Variants in IQCM observed in about 807,000 individuals in gnomAD.
IQCM encodes the protein IQ domain-containing protein M.
Under a neutral mutation model 57.6 loss-of-function variants are expected in IQCM, and 45 were observed. That is an observed-to-expected ratio of 0.78 (90% CI 0.62 to 1.00). The LOEUF is 1.00. Ranked by LOEUF, IQCM falls within the 50% of genes least tolerant of loss-of-function variation. The probability of loss-of-function intolerance (pLI) is 0.00; values close to 1 mark genes in which losing one functional copy is unlikely to be tolerated. For missense variants in IQCM, 468 were observed against 511.6 expected (o/e 0.91, Z 0.82); for synonymous variants, 148 against 158.9 (o/e 0.93, Z 0.51).
intron 8 of IQCM, among the ~76,000 whole-genome samples, chr4:149,599,405 C>A (rs1025448650): frequency 6.6e-6 from 1 of 151,980 alleles, no homozygotes; most frequent in Non-Finnish European, 1.5e-5. Context: ...TGTACATGTG[C>A]TAAAATTGTA....
chr4:149,586,833 G>A (rs1752690538), intron 9 of IQCM, among the ~76,000 whole-genome samples: 1 of 151,606 alleles, frequency 6.6e-6, no homozygotes, highest in Non-Finnish European at 1.5e-5. Flanking sequence ...AACATTTATA[G>A]TAACTGCTTT....
intron 12 of IQCM, among the ~76,000 whole-genome samples, chr4:149,433,882 T>C (rs1172678464): frequency 2.0e-5 from 3 of 152,206 alleles, no homozygotes; most frequent in Non-Finnish European, 4.4e-5. Flanking sequence ...TTCTTACTTT[T>C]AATTTCTATT....
chr4:149,743,278 T>C (rs985737250), intron 2 of IQCM, among the ~76,000 whole-genome samples: 10 of 152,260 alleles, frequency 6.6e-5, no homozygotes, highest in Middle Eastern at 6.8e-3. Context: ...TTTATTTATA[T>C]CCTACCTGCC....
intron 8 of IQCM, among the ~76,000 whole-genome samples, chr4:149,588,647 G>A (rs983590345): frequency 3.3e-5 from 5 of 151,804 alleles, no homozygotes; most frequent in Admixed American, 2.0e-4. Flanking sequence ...AAAAGGCCAC[G>A]TGAGGACACA....
intron 12 of IQCM, among the ~76,000 whole-genome samples, chr4:149,514,308 T>C (rs892343130): frequency 6.6e-6 from 1 of 152,302 alleles, no homozygotes; most frequent in South Asian, 2.1e-4. Context: ...TGAAAGAACA[T>C]GCTAAATATA....
At chr4:149,711,182 T>G (rs919676639) in intron 5 of IQCM, 2 of 152,072 alleles carry the variant, frequency 1.3e-5, no homozygotes, top group East Asian at 3.9e-4. Flanking sequence ...TAAGGCATAC[T>G]GAGATGCTAA....
At chr4:149,521,848 A>G (rs1290604867) in intron 12 of IQCM, among the ~76,000 whole-genome samples, 1 of 152,152 alleles carries the variant, frequency 6.6e-6, no homozygotes, top group African/African-American at 2.4e-5. Flanking sequence ...TCCAGACAAG[A>G]TGGGCCTGGA....
intron 2 of IQCM, among the ~76,000 whole-genome samples, chr4:149,768,916 C>A (rs909316237): frequency 3.4e-4 from 52 of 151,938 alleles, no homozygotes; most frequent in African/African-American, 1.3e-3. Flanking sequence ...TTGTGGCATA[C>A]TAAATTTATT....
At chr4:149,452,610 A>C (rs1350096474) in intron 12 of IQCM, among the ~76,000 whole-genome samples, 1 of 151,646 alleles carries the variant, frequency 6.6e-6, no homozygotes, top group Admixed American at 6.6e-5. Context: ...TAATTGACAT[A>C]TAAAAAGCTG....
chr4:149,707,675 G>A (rs994699318), intron 5 of IQCM, among the ~76,000 whole-genome samples: 2 of 151,970 alleles, frequency 1.3e-5, no homozygotes, highest in African/African-American at 4.8e-5. Context: ...GGACTTGGGG[G>A]AAACTGACAT....
At chr4:149,469,351 A>C (rs1339420011) in intron 12 of IQCM, among the ~76,000 whole-genome samples, 2 of 152,242 alleles carry the variant, frequency 1.3e-5, no homozygotes, top group African/African-American at 2.4e-5. Context: ...AGCTGATTCA[A>C]TCAAGTGGAA....
At chr4:149,549,554 A>G (rs1503716) in intron 11 of IQCM, among the ~76,000 whole-genome samples, 151,072 of 152,360 alleles carry the variant, frequency 0.99, 74,920 homozygotes, top group East Asian at 1. Flanking sequence ...TTTTATAAGT[A>G]TAGTTTTCCA....
At chr4:149,368,817 TAC>T (rs1553955892) in intron 13 of IQCM, among the ~76,000 whole-genome samples, 1 of 96,680 alleles carries the variant, frequency 1.0e-5, no homozygotes, top group Non-Finnish European at 2.0e-5. Context: ...TGTATATATA[TAC>T]ATATATATAC....
chr4:149,769,708 G>A (rs1770390604), intron 2 of IQCM, among the ~76,000 whole-genome samples: 1 of 151,904 alleles, frequency 6.6e-6, no homozygotes, highest in Admixed American at 6.6e-5. Flanking sequence ...AATAATAAAG[G>A]GGTCAATTGT....
chr4:149,809,981 C>T (rs1774409462), intron 2 of IQCM, among the ~76,000 whole-genome samples: 1 of 152,102 alleles, frequency 6.6e-6, no homozygotes, highest in South Asian at 2.1e-4. Flanking sequence ...TAGCACATTT[C>T]CAGGTTTCTT....
At chr4:149,799,189 G>A (rs1282099491) in intron 2 of IQCM, among the ~76,000 whole-genome samples, 3 of 150,984 alleles carry the variant, frequency 2.0e-5, no homozygotes, top group Non-Finnish European at 4.4e-5. Flanking sequence ...AATAAAAAGA[G>A]GAATTTTGGA....
intron 7 of IQCM, among the ~76,000 whole-genome samples, chr4:149,636,022 G>GT (rs1757686995): frequency 6.6e-6 from 1 of 152,056 alleles, no homozygotes; most frequent in African/African-American, 2.4e-5. Context: ...CTTAAAACAC[G>GT]TAGAGTTCTA....
chr4:149,416,719 G>T (rs566870007), intron 13 of IQCM, among the ~76,000 whole-genome samples: 3 of 152,058 alleles, frequency 2.0e-5, no homozygotes, highest in Non-Finnish European at 2.9e-5. Context: ...GAGATTTCAG[G>T]CAGGGAAATG....
intron 10 of IQCM, among the ~76,000 whole-genome samples, chr4:149,561,504 TAATCAAATAC>T (rs979480627): frequency 6.6e-6 from 1 of 152,144 alleles, no homozygotes; most frequent in Non-Finnish European, 1.5e-5. Context: ...TGCCTACATA[TAATCAAATAC>T]AATCAAATAC....
Sources: allele counts gnomAD v4.1 joint callset (sites outside exome capture counted in the v4.1 genomes callset), GRCh38; gene constraint gnomAD v4.1.1; transcripts MANE v1.5; gene names NCBI Gene and HGNC (gene_info 2026-07-23, HGNC 2026-07-21).